The following NXPE2 variants were observed in gnomAD, a reference collection of about 807,000 sequenced individuals.
The protein encoded by NXPE2 is NXPE family member 2.
NXPE2 carries 34 observed loss-of-function variants against 34.4 expected under a neutral mutation model. The ratio of observed to expected loss-of-function variants is 0.99; its 90% CI spans 0.75 to 1.31. The LOEUF (loss-of-function observed/expected upper bound fraction) is 1.31, where lower values mean the gene tolerates loss of function less well. Among genes scored for constraint, NXPE2 ranks in the 40% most tolerant of loss-of-function variants. NXPE2 has a pLI of 0.00. For missense variants in NXPE2, 649 were observed against 672.5 expected, an observed-to-expected ratio of 0.97 and a Z score of 0.39; for synonymous variants, 235 against 231.3, an observed-to-expected ratio of 1.02 and a Z score of -0.15.
the NXPE2 span, among the ~76,000 whole-genome samples, chr11:114,490,087 G>A: frequency 6.6e-6 from 1 of 152,144 alleles, no homozygotes; most frequent in Non-Finnish European, 1.5e-5. Context: ...GCCAAATCAT[G>A]AGTGAACTCC....
At chr11:114,799,344 A>AAAGAT in the NXPE2 span, among the ~76,000 whole-genome samples, 4 of 151,894 alleles carry the variant, frequency 2.6e-5, no homozygotes, top group African/African-American at 7.3e-5. Flanking sequence ...ACTGCTGGGA[A>AAAGAT]AAGATAAGGT....
chr11:114,625,724 C>T, the NXPE2 span, among the ~76,000 whole-genome samples: 26 of 152,098 alleles, frequency 1.7e-4, no homozygotes, highest in Non-Finnish European at 3.2e-4. Context: ...GCATGAGCGA[C>T]GCAGAAGGCA....
At chr11:114,489,263 C>T in the NXPE2 span, among the ~76,000 whole-genome samples, 2 of 152,112 alleles carry the variant, frequency 1.3e-5, no homozygotes, top group Non-Finnish European at 2.9e-5. Context: ...GATTCACAGC[C>T]GAATTCTACC....
the NXPE2 span, among the ~76,000 whole-genome samples, chr11:114,610,201 C>T: frequency 6.6e-6 from 1 of 151,686 alleles, no homozygotes; most frequent in African/African-American, 2.4e-5. Context: ...CGTGGGTAGC[C>T]ACTGTTACCC....
At chr11:114,476,854 A>C in the NXPE2 span, among the ~76,000 whole-genome samples, 8 of 152,254 alleles carry the variant, frequency 5.3e-5, no homozygotes, top group African/African-American at 1.7e-4. Context: ...GTGTGGAGGT[A>C]GTGGGTATTG....
At chr11:114,644,217 T>C in the NXPE2 span, among the ~76,000 whole-genome samples, 1 of 152,154 alleles carries the variant, frequency 6.6e-6, no homozygotes, top group Non-Finnish European at 1.5e-5. Context: ...ACAATATGAC[T>C]TCCTCTCTTC....
chr11:114,725,976 A>AAAAATATATATATATATATATATAT, the NXPE2 span, among the ~76,000 whole-genome samples: 3 of 101,768 alleles, frequency 2.9e-5, no homozygotes, highest in African/African-American at 6.8e-5. Flanking sequence ...ATAAAAAAAA[A>AAAAATATATATATATATATATATAT]ATATATATAT....
At chr11:114,635,174 C>T in the NXPE2 span, among the ~76,000 whole-genome samples, 1 of 150,086 alleles carries the variant, frequency 6.7e-6, no homozygotes, top group African/African-American at 2.5e-5. Context: ...TGAAGAGTTC[C>T]TTCACGTCCC....
At chr11:114,786,333 G>A in the NXPE2 span, among the ~76,000 whole-genome samples, 16 of 149,934 alleles carry the variant, frequency 1.1e-4, no homozygotes, top group Admixed American at 1.1e-3. Context: ...CAAAGAGCTG[G>A]TATTCAAATT....
At chr11:114,789,966 G>A in the NXPE2 span, among the ~76,000 whole-genome samples, 3 of 152,196 alleles carry the variant, frequency 2.0e-5, no homozygotes, top group Admixed American at 1.3e-4. Flanking sequence ...GACGAATTCA[G>A]AGAAGGCCAT....
At chr11:114,491,910 CA>C in the NXPE2 span, among the ~76,000 whole-genome samples, 1 of 152,026 alleles carries the variant, frequency 6.6e-6, no homozygotes, top group African/African-American at 2.4e-5. Context: ...ATTGCAAGGA[CA>C]AAAAACCAAA....
chr11:114,644,130 G>C, the NXPE2 span, among the ~76,000 whole-genome samples: 1 of 152,146 alleles, frequency 6.6e-6, no homozygotes, highest in Non-Finnish European at 1.5e-5. Flanking sequence ...TGCTGAAGTT[G>C]CTTATCAGCT....
chr11:114,603,589 T>C, the NXPE2 span, among the ~76,000 whole-genome samples: 3 of 150,904 alleles, frequency 2.0e-5, no homozygotes, highest in Non-Finnish European at 3.0e-5. Flanking sequence ...AGGTAACTCC[T>C]ATTACCTGGT....
the NXPE2 span, among the ~76,000 whole-genome samples, chr11:114,718,817 G>A: frequency 6.6e-6 from 1 of 152,192 alleles, no homozygotes; most frequent in Admixed American, 6.5e-5. Flanking sequence ...GGTAGCTAGT[G>A]TAGACATATT....
At chr11:114,784,349 C>G in the NXPE2 span, among the ~76,000 whole-genome samples, 1 of 152,108 alleles carries the variant, frequency 6.6e-6, no homozygotes, top group Non-Finnish European at 1.5e-5. Context: ...TGGTCATTAT[C>G]TGGGGCTGAT....
the NXPE2 span, among the ~76,000 whole-genome samples, chr11:114,544,912 T>A: frequency 1.3e-5 from 2 of 152,128 alleles, no homozygotes; most frequent in Non-Finnish European, 2.9e-5. Context: ...AAGATCTGAA[T>A]GGACACCTCA....
chr11:114,499,650 G>T, the NXPE2 span, among the ~76,000 whole-genome samples: 1 of 152,132 alleles, frequency 6.6e-6, no homozygotes, highest in Non-Finnish European at 1.5e-5. Flanking sequence ...AGAGTGAAAT[G>T]CACATATGTT....
chr11:114,518,736 A>T, the NXPE2 span, among the ~76,000 whole-genome samples: 11 of 152,218 alleles, frequency 7.2e-5, no homozygotes, highest in Non-Finnish European at 1.5e-4. Context: ...GGGAATAAAA[A>T]GGAAGCTTTT....
At chr11:114,712,594 G>A in the NXPE2 span, among the ~76,000 whole-genome samples, 13 of 152,282 alleles carry the variant, frequency 8.5e-5, no homozygotes, top group African/African-American at 2.4e-4. Flanking sequence ...CAGGATGGCC[G>A]CTATCAACAG....
Sources: gnomAD v4.1 joint callset for allele counts (sites outside exome capture counted in the v4.1 genomes callset) on GRCh38, gnomAD v4.1.1 for gene constraint, MANE v1.5 for transcripts, NCBI Gene and HGNC (gene_info 2026-07-23, HGNC 2026-07-21) for gene names.